GNGT1: variants seen among roughly 807,000 people sequenced by gnomAD.
The protein encoded by GNGT1 is guanine nucleotide-binding protein G(T) subunit gamma-T1.
GNGT1 carries 4 observed loss-of-function variants against 7.4 expected under a neutral mutation model. The observed-to-expected ratio is 0.54, with a 90% CI of 0.27 to 1.24. The LOEUF (loss-of-function observed/expected upper bound fraction) is 1.24. GNGT1 is among the 50% of genes most tolerant of loss of function. The probability of loss-of-function intolerance (pLI) is 0.12; values close to 1 mark genes in which losing one functional copy is unlikely to be tolerated. For missense variants in GNGT1, 95 were observed against 82.4 expected (o/e 1.15, Z -0.59); for synonymous variants, 37 against 30.2 (o/e 1.23, Z -0.74).
At position 93,910,872 on chromosome 7, in the gene GNGT1, A is replaced by G; in HGVS notation, c.179A>G (p.Asp60Gly). 6.2e-7 allele frequency: 1 copy of G among 1,610,514 alleles called. No individual in the cohort carries two copies. Among genetic ancestry groups the G allele is most frequent in the South Asian group, 1.1e-5 (1 of 90,656 alleles). ...CCACTGGTAAAGGGCATCCCAGAGG[A>G]CAAAAATCCCTTCAAGGAGCTCAAA... ...EDPLVKGIPE[D>G]KNPFKELKGG... The change falls in exon 3 of 3, where the codon GAC (aspartate) becomes GGC (glycine). Residue 60 changes from aspartate (D) to glycine (G), a missense_variant. By Grantham distance (94) the Asp-to-Gly change is moderately conservative. Transcript: ENST00000248572.
intron 2 of GNGT1, among the ~76,000 whole-genome samples, chr7:93,908,124 C>T (rs926199358): frequency 9.2e-5 from 14 of 152,172 alleles, no homozygotes; most frequent in Admixed American, 3.9e-4. Flanking sequence ...GGGTAAACAT[C>T]GCATACATCA....
chr7:93,909,655 C>A, intron 2 of GNGT1: 1 of 527,592 alleles, frequency 1.9e-6, no homozygotes, highest in South Asian at 3.2e-5. Flanking sequence ...ATGCATATTT[C>A]AAAAGTTATG....
At chr7:93,908,422 G>A (rs1024521175) in intron 2 of GNGT1, among the ~76,000 whole-genome samples, 1 of 151,584 alleles carries the variant, frequency 6.6e-6, no homozygotes, top group Non-Finnish European at 1.5e-5. Flanking sequence ...TCTGGCGAGG[G>A]CCTGCTCCCT....
At chr7:93,910,765 T>G in intron 2 of GNGT1, 25 bp from the exon 3 acceptor site, 1 of 1,553,394 alleles carries the variant, frequency 6.4e-7, no homozygotes, top group Non-Finnish European at 8.8e-7. Flanking sequence ...ACCAAATGAG[T>G]CATCCCTTTT....
intron 2 of GNGT1, chr7:93,909,508 A>T (rs1422200134): frequency 2.8e-6 from 2 of 702,378 alleles, no homozygotes; most frequent in Non-Finnish European, 5.2e-6. Flanking sequence ...CTTCAAAACC[A>T]ATCCCTTATG....
intron 2 of GNGT1, chr7:93,909,726 C>T (rs1415598007): frequency 4.6e-6 from 2 of 437,576 alleles, no homozygotes; most frequent in African/African-American, 3.9e-5. Flanking sequence ...TTCCTGGCTC[C>T]AGTTGAAAAT....
Position 93,911,075 on chromosome 7 carries a change from A to G in GNGT1, c.*157A>G. ...TTTTAATAAAAATTGGGGTGTGGTAACCCATCATTCTATGTTTTTCTTAAC... is the reference window on the plus strand; with the variant it reads ...TTTTAATAAAAATTGGGGTGTGGTAGCCCATCATTCTATGTTTTTCTTAAC... On this transcript the variant is annotated 3_prime_UTR_variant, in exon 3 of 3. Coordinates refer to ENST00000248572, the MANE Select transcript of GNGT1 (RefSeq NM_021955.5). 2.4e-6 allele frequency: 1 copy of G among 418,212 alleles called. No homozygotes were observed. Among genetic ancestry groups the G allele is most frequent in the Non-Finnish European group, 4.2e-6 (1 of 237,666 alleles). The allele number at this position is 418,212 out of a possible 1,614,324, so 25.9% of individuals were successfully genotyped here. A position where few individuals can be genotyped will look rare whatever the true frequency, so the allele number is the denominator to read the frequency against.
At chr7:93,907,173 AAAG>A (rs1014084451) in intron 2 of GNGT1, among the ~76,000 whole-genome samples, 7 of 152,096 alleles carry the variant, frequency 4.6e-5, no homozygotes, top group African/African-American at 1.7e-4. Context: ...AGAAAGGGAA[AAAG>A]AAGGAAAGAA....
At chr7:93,909,110 A>G (rs1239908696) in intron 2 of GNGT1, among the ~76,000 whole-genome samples, 1 of 152,166 alleles carries the variant, frequency 6.6e-6, no homozygotes, top group South Asian at 2.1e-4. Flanking sequence ...TTTGAGTACG[A>G]CAAGTCTTTG....
chr7:93,908,721 C>T (rs999008561), intron 2 of GNGT1, among the ~76,000 whole-genome samples: 1 of 151,696 alleles, frequency 6.6e-6, no homozygotes, highest in African/African-American at 2.4e-5. Context: ...GCCCCTAGCT[C>T]TGATGTATAA....
In GNGT1 at chr7:93,910,709, T is replaced by G. The variant is rs1794449850; in HGVS notation, c.97-81T>G. 3 of 977,638 alleles carry G rather than the reference T, an allele frequency of 3.1e-6. No individual in the cohort carries two copies. The Admixed American group carries it at 7.4e-5, about 24-fold the overall frequency. 60.6% of individuals were successfully genotyped at this position (977,638 alleles called of 1,614,324 possible). A position where few individuals can be genotyped will look rare whatever the true frequency, so the allele number is the denominator to read the frequency against. On this transcript the variant is annotated intron_variant, in intron 2 of 2. Transcript: ENST00000248572. ...AACTGAAATTATACAACCTGAAAATTTATTGTAATAAATAAATTCCTGGCA... is the reference window on the plus strand; with the variant it reads ...AACTGAAATTATACAACCTGAAAATGTATTGTAATAAATAAATTCCTGGCA...
chr7:93,909,865 A>G (rs1346885397), intron 2 of GNGT1: 1 of 186,784 alleles, frequency 5.4e-6, no homozygotes, highest in East Asian at 1.3e-4. Flanking sequence ...AAAAACAGTA[A>G]ATTGGTTAAA....
At position 93,911,125 on chromosome 7, in the gene GNGT1, T is replaced by C. The variant is rs1247245773; in HGVS notation, c.*207T>C. 3.5e-6 allele frequency: 1 copy of C among 282,886 alleles called. No individual in the cohort carries two copies. The highest frequency in any genetic ancestry group is 6.6e-6 in the Non-Finnish European group (1 of 151,262). 17.5% of individuals were successfully genotyped at this position (282,886 alleles called of 1,614,324 possible). On this transcript the variant is annotated 3_prime_UTR_variant, in exon 3 of 3. Transcript: ENST00000248572. The stretch of plus-strand genomic sequence containing the variant: ...CATAGCTGGCACAGGGTTTAACACA[T>C]AATTGCCAATAAATATTGCTTAAAG...
intron 2 of GNGT1, among the ~76,000 whole-genome samples, chr7:93,908,084 G>T (rs901212294): frequency 6.6e-6 from 1 of 152,086 alleles, no homozygotes; most frequent in Non-Finnish European, 1.5e-5. Context: ...TTATTCACTT[G>T]TGGTAAGTTC....
Position 93,910,995 on chromosome 7 carries a change from T to A in GNGT1, c.*77T>A. ...TTAATAACAATATGAATTTTTCTCA[T>A]GCATACTATTACTACTAAGCATGTA... is the stretch of plus-strand genomic sequence containing the variant. On this transcript the variant is annotated 3_prime_UTR_variant, in exon 3 of 3. Transcript: ENST00000248572. The A allele has an allele frequency of 2.9e-6, 3 of 1,026,036 alleles. No homozygotes were observed. The highest frequency in any genetic ancestry group is 2.8e-6 in the Non-Finnish European group (2 of 721,782). The allele number at this position is 1,026,036 out of a possible 1,614,324, so 63.6% of individuals were successfully genotyped here.
At position 93,906,602 on chromosome 7, in the gene GNGT1, T is replaced by C. The variant is rs1335210748; in HGVS notation, c.-54T>C. 4.8e-6 allele frequency: 3 copies of C among 620,626 alleles called. No individual in the cohort carries two copies. The highest frequency in any genetic ancestry group is 8.6e-6 in the Non-Finnish European group (3 of 350,388). 38.4% of individuals were successfully genotyped at this position (620,626 alleles called of 1,614,324 possible). A position where few individuals can be genotyped will look rare whatever the true frequency, so the allele number is the denominator to read the frequency against. The stretch of plus-strand genomic sequence containing the variant: ...AGAGAGAGAGCTCATATGAAATTGG[T>C]TATCGTGGGATATTTAAAATAAAAC... On this transcript the variant is annotated 5_prime_UTR_variant, in exon 1 of 3. Coordinates refer to ENST00000248572, the MANE Select transcript of GNGT1 (RefSeq NM_021955.5).
At position 93,910,868 on chromosome 7, in the gene GNGT1, G is replaced by A. The variant is rs763718758; in HGVS notation, c.175G>A (p.Glu59Lys). ...GEDPLVKGIPEDKNPFKELKG... is the reference protein window; with the variant it reads ...GEDPLVKGIPKDKNPFKELKG... ...GGATCCACTGGTAAAGGGCATCCCA[G>A]AGGACAAAAATCCCTTCAAGGAGCT... The change falls in exon 3 of 3, where the codon GAG becomes AAG. Residue 59 changes from glutamate to lysine, a missense_variant. Coordinates refer to ENST00000248572, the MANE Select transcript of GNGT1 (RefSeq NM_021955.5). The A allele has an allele frequency of 6.2e-7, 1 of 1,609,748 alleles. No homozygotes were observed. Among genetic ancestry groups the A allele is most frequent in the South Asian group, 1.1e-5 (1 of 90,566 alleles).
At chr7:93,909,666 T>G in intron 2 of GNGT1, 1 of 521,742 alleles carries the variant, frequency 1.9e-6, no homozygotes, top group Non-Finnish European at 3.4e-6. Flanking sequence ...AAAAGTTATG[T>G]GAATCTGCAA....
chr7:93,910,586 T>C (rs1444457670), intron 2 of GNGT1: 1 of 262,358 alleles, frequency 3.8e-6, no homozygotes, highest in Admixed American at 5.3e-5. Flanking sequence ...CCAGCTGTTT[T>C]TCCTTTGTCT....
Sources: gnomAD v4.1 joint callset for allele counts (sites outside exome capture counted in the v4.1 genomes callset) on GRCh38, gnomAD v4.1.1 for gene constraint, MANE v1.5 for transcripts, NCBI Gene and HGNC (gene_info 2026-07-23, HGNC 2026-07-21) for gene names.